Variants in ACTL8 observed in about 807,000 individuals in gnomAD.
ACTL8 encodes the protein actin like 8.
A neutral mutation model predicts 9.3 loss-of-function variants in ACTL8; 3 were observed. That is an observed-to-expected ratio of 0.32 (90% CI 0.15 to 0.83). ACTL8 has a LOEUF of 0.83. Ranked by LOEUF, ACTL8 falls within the 40% of genes least tolerant of loss-of-function variation. ACTL8 has a pLI of 0.57. For missense variants in ACTL8, 381 were observed against 492.2 expected, an observed-to-expected ratio of 0.77 and a Z score of 2.14; for synonymous variants, 224 against 205.9, an observed-to-expected ratio of 1.09 and a Z score of -0.75.
intron 1 of ACTL8, among the ~76,000 whole-genome samples, chr1:17,758,335 T>A (rs1440853139): frequency 6.6e-6 from 1 of 152,078 alleles, no homozygotes; most frequent in Non-Finnish European, 1.5e-5. Context: ...TTGATTAGAG[T>A]GTCTCTGGGA....
rs1049543227 is a variant in ACTL8 at position 17,823,904 on chromosome 1, C to G, written c.348+548C>G. Among the ~76,000 whole-genome samples the G allele has an allele frequency of 6.6e-6, 1 of 152,118 alleles. No individual in the cohort carries two copies. The highest frequency in any genetic ancestry group is 1.5e-5 in the Non-Finnish European group (1 of 68,034). On this transcript the variant is annotated intron_variant, in intron 2 of 2. Transcript: ENST00000375406. This position sits in a 1 kb window ranked among gnomAD's most constrained non-coding sequence, Gnocchi z 5.3. ...GGTGGAAAGGGGGTTACCAGGGAGACGTGGAATATTTGCTTATGGATTCCA... is the reference window on the plus strand; with the variant it reads ...GGTGGAAAGGGGGTTACCAGGGAGAGGTGGAATATTTGCTTATGGATTCCA...
At chr1:17,775,542 T>C (rs956710846) in intron 1 of ACTL8, among the ~76,000 whole-genome samples, 8 of 152,090 alleles carry the variant, frequency 5.3e-5, no homozygotes, top group African/African-American at 1.9e-4. Context: ...AGAGGTGACA[T>C]CACAAGGAAA....
intron 1 of ACTL8, among the ~76,000 whole-genome samples, chr1:17,806,734 C>A (rs1336482794): frequency 1.3e-5 from 2 of 152,228 alleles, no homozygotes; most frequent in Non-Finnish European, 2.9e-5. Context: ...GGGGTTTTGC[C>A]TTTAGATTCT....
At chr1:17,791,861 AAG>A (rs1461952126) in intron 1 of ACTL8, among the ~76,000 whole-genome samples, 7 of 152,222 alleles carry the variant, frequency 4.6e-5, no homozygotes, top group African/African-American at 1.2e-4. Flanking sequence ...TCTTATGAGG[AAG>A]AGAGAGGGAA....
intron 1 of ACTL8, among the ~76,000 whole-genome samples, chr1:17,790,705 C>A (rs2066232731): frequency 6.6e-6 from 1 of 152,214 alleles, no homozygotes; most frequent in African/African-American, 2.4e-5. Context: ...CAGGGACCCA[C>A]CCCCTTCTAC....
In ACTL8 at chr1:17,767,024, G is replaced by A. The variant is rs1047429834; in HGVS notation, c.-25+11520G>A. Among the ~76,000 whole-genome samples the A allele has an allele frequency of 1.3e-4, 20 of 152,154 alleles. No individual in the cohort carries two copies. Among genetic ancestry groups the A allele is most frequent in the Non-Finnish European group, 2.9e-5 (2 of 68,032 alleles). On this transcript the variant is annotated intron_variant, in intron 1 of 2. Coordinates refer to ENST00000375406, the MANE Select transcript of ACTL8 (RefSeq NM_030812.3). This position sits in a 1 kb window ranked among gnomAD's most constrained non-coding sequence, Gnocchi z 4.7. Reference sequence around the variant, plus strand: ...GATGATGAATGTGGTTTCAGGTTGGGAGAACTATGGAGAACAATGAATGGA... The same window carrying A: ...GATGATGAATGTGGTTTCAGGTTGGAAGAACTATGGAGAACAATGAATGGA...
Position 17,825,909 on chromosome 1 carries a change from G to A in ACTL8, c.491G>A (p.Arg164His), listed in dbSNP as rs924872941. The A allele has an allele frequency of 1.9e-5, 31 of 1,612,702 alleles. No individual in the cohort carries two copies. Among genetic ancestry groups the A allele is most frequent in the Admixed American group, 1.0e-4 (6 of 59,996 alleles). Residue 164 changes from arginine to histidine, a missense_variant, in exon 3 of 3, where the codon CGC becomes CAC. Physicochemically the swap from Arg to His is conservative, Grantham distance 29. Transcript: ENST00000375406. ...LTRVQPFHQG[R>H]PLPASGKTLE... Reference sequence around the variant, plus strand: ...CGCGTGCAGCCTTTCCACCAGGGCCGCCCCTTGCCCGCCAGCGGCAAGACG... The same window carrying A: ...CGCGTGCAGCCTTTCCACCAGGGCCACCCCTTGCCCGCCAGCGGCAAGACG...
At chr1:17,773,919 G>T (rs187786055) in intron 1 of ACTL8, among the ~76,000 whole-genome samples, 95 of 152,354 alleles carry the variant, frequency 6.2e-4, no homozygotes, top group Middle Eastern at 3.4e-3. Flanking sequence ...GCCACAGAGG[G>T]TGCACTAGAG....
intron 1 of ACTL8, among the ~76,000 whole-genome samples, chr1:17,761,400 G>A (rs185993987): frequency 1.4e-4 from 21 of 152,244 alleles, no homozygotes; most frequent in Admixed American, 9.2e-4. Flanking sequence ...GAGCTGGGCC[G>A]CTTACAGGAT....
intron 1 of ACTL8, among the ~76,000 whole-genome samples, chr1:17,809,483 G>GT (rs2066380216): frequency 1.3e-5 from 2 of 152,188 alleles, no homozygotes; most frequent in African/African-American, 4.8e-5. Context: ...GCCGTGGCCT[G>GT]TTGGGAACTA....
At chr1:17,762,385 C>G (rs77983915) in intron 1 of ACTL8, among the ~76,000 whole-genome samples, 7,383 of 151,992 alleles carry the variant, frequency 0.049, 392 homozygotes, top group East Asian at 0.27. Flanking sequence ...CCATCAAGCA[C>G]AGACCAGGCC....
At chr1:17,773,591 G>A (rs752341206) in intron 1 of ACTL8, among the ~76,000 whole-genome samples, 4 of 152,202 alleles carry the variant, frequency 2.6e-5, no homozygotes, top group Non-Finnish European at 5.9e-5. Flanking sequence ...GCCCGGTTCT[G>A]TCCTAGTTAC....
intron 1 of ACTL8, among the ~76,000 whole-genome samples, chr1:17,798,259 A>G (rs1474922494): frequency 1.4e-5 from 2 of 148,062 alleles, no homozygotes; most frequent in Non-Finnish European, 3.0e-5. Context: ...TGCCACAAAT[A>G]TCTACCCCAA....
chr1:17,774,125 C>T (rs1023017247), intron 1 of ACTL8, among the ~76,000 whole-genome samples: 5 of 152,192 alleles, frequency 3.3e-5, no homozygotes, highest in South Asian at 2.1e-4. Flanking sequence ...ACTGCAGAGT[C>T]GGAACTAAAG....
chr1:17,784,528 A>G (rs2066182268), intron 1 of ACTL8, among the ~76,000 whole-genome samples: 1 of 152,184 alleles, frequency 6.6e-6, no homozygotes, highest in Non-Finnish European at 1.5e-5. Context: ...GTCATAACCC[A>G]CTTTCCCAGA....
intron 1 of ACTL8, among the ~76,000 whole-genome samples, chr1:17,800,872 C>T (rs1268651924): frequency 1.3e-5 from 2 of 152,054 alleles, no homozygotes; most frequent in African/African-American, 4.8e-5. Context: ...GGATTACAGG[C>T]ATGAGCCACT....
Position 17,805,356 on chromosome 1 carries a change from A to G in ACTL8, c.-24-17629A>G, listed in dbSNP as rs1033181635. Among the ~76,000 whole-genome samples, 18 of 139,654 alleles carry G rather than the reference A, an allele frequency of 1.3e-4. 1 individual carries two copies. The South Asian group carries it at 3.8e-3, about 29-fold the overall frequency. 91.6% of individuals were successfully genotyped at this position (139,654 alleles called of 152,430 possible). On this transcript the variant is annotated intron_variant, in intron 1 of 2. Coordinates refer to ENST00000375406, the MANE Select transcript of ACTL8 (RefSeq NM_030812.3). Reference sequence around the variant, plus strand: ...TTATAGCTAGTGCTTTATAAAATAGATATATTTTCTTTTTCTTTTTCTTTT... The same window carrying G: ...TTATAGCTAGTGCTTTATAAAATAGGTATATTTTCTTTTTCTTTTTCTTTT...
At chr1:17,779,858 C>A (rs2066143086) in intron 1 of ACTL8, among the ~76,000 whole-genome samples, 1 of 152,086 alleles carries the variant, frequency 6.6e-6, no homozygotes, top group African/African-American at 2.4e-5. Context: ...GGGAGGGAGA[C>A]CTGGCTAGGG....
At chr1:17,778,442 G>C (rs2066131069) in intron 1 of ACTL8, among the ~76,000 whole-genome samples, 1 of 152,052 alleles carries the variant, frequency 6.6e-6, no homozygotes, top group South Asian at 2.1e-4. Context: ...ATTCCCTTCT[G>C]TCTCAAGACT....
Sources: gnomAD v4.1 joint callset for allele counts (sites outside exome capture counted in the v4.1 genomes callset) on GRCh38, gnomAD v4.1.1 for gene constraint, Gnocchi (gnomAD v3.1) non-coding constraint, MANE v1.5 for transcripts, NCBI Gene and HGNC (gene_info 2026-07-23, HGNC 2026-07-21) for gene names.